Variants in LAMA2 observed in about 807,000 individuals in gnomAD.
LAMA2 encodes laminin subunit alpha 2.
LAMA2 carries 269 observed loss-of-function variants against 364.8 expected under a neutral mutation model. That is an observed-to-expected ratio of 0.74 (90% CI 0.67 to 0.82). The LOEUF is 0.82. Ranked by LOEUF, LAMA2 falls within the 40% of genes least tolerant of loss-of-function variation. The pLI is 0.00. For synonymous variants in LAMA2, 1,379 were observed against 1,370.6 expected (o/e 1.01, Z -0.14); for missense variants, 3,807 against 3,873.2 (o/e 0.98, Z 0.45).
chr6:129,255,449 A>G (rs937223945), intron 14 of LAMA2, among the ~76,000 whole-genome samples: 3 of 134,874 alleles, frequency 2.2e-5, no homozygotes, highest in East Asian at 2.5e-4. Context: ...TGGAATACTG[A>G]TTTAGCACAC....
intron 1 of LAMA2, among the ~76,000 whole-genome samples, chr6:129,012,833 A>G (rs1487501452): frequency 1.3e-5 from 2 of 152,220 alleles, no homozygotes; most frequent in African/African-American, 4.8e-5. Flanking sequence ...TGGAGGCTGT[A>G]TTTGCAATAA....
Position 129,014,643 on chromosome 6 carries a change from T to A in LAMA2, c.113-35275T>A, listed in dbSNP as rs572544350. On this transcript the variant is annotated intron_variant, in intron 1 of 64. Transcript: ENST00000421865. ...TGCTACACTGTGGTTTAGTTTATTATTAAAGAGCATAATTAAAAGAAAAAA... is the reference window on the plus strand; with the variant it reads ...TGCTACACTGTGGTTTAGTTTATTAATAAAGAGCATAATTAAAAGAAAAAA... 3.7e-3 allele frequency among the ~76,000 whole-genome samples: 556 copies of A among 152,274 alleles called. 3 individuals carry two copies. The highest frequency in any genetic ancestry group is 0.013 in the African/African-American group (520 of 41,564).
intron 19 of LAMA2, among the ~76,000 whole-genome samples, chr6:129,291,225 C>T (rs760029664): frequency 4.6e-5 from 7 of 152,170 alleles, no homozygotes; most frequent in Non-Finnish European, 7.3e-5. Context: ...AACAGCGTTA[C>T]ACCTTGAGTC....
At chr6:129,510,469 T>C (rs1223826983) in intron 62 of LAMA2, among the ~76,000 whole-genome samples, 1 of 152,138 alleles carries the variant, frequency 6.6e-6, no homozygotes, top group East Asian at 1.9e-4. Context: ...TACTTTAAGA[T>C]AGAATATTCA....
chr6:129,251,056 CTCTCTCTCTCTCTCTCTCTCTATA>C (rs1174125474), intron 13 of LAMA2, among the ~76,000 whole-genome samples: 30 of 74,852 alleles, frequency 4.0e-4, no homozygotes, highest in Middle Eastern at 5.6e-3. Context: ...CTCTCTCTCT[CTCTCTCTCTCTCTCTCTCTCTATA>C]TATATATATA....
chr6:129,327,951 A>G (rs1434860762), intron 28 of LAMA2, among the ~76,000 whole-genome samples: 1 of 152,332 alleles, frequency 6.6e-6, no homozygotes. Flanking sequence ...CATTGGAATT[A>G]TCTTTATTCC....
At chr6:129,085,859 C>T (rs1249213543) in intron 3 of LAMA2, among the ~76,000 whole-genome samples, 1 of 152,142 alleles carries the variant, frequency 6.6e-6, no homozygotes, top group Non-Finnish European at 1.5e-5. Flanking sequence ...TTTATCATGT[C>T]CTCTTAAAAA....
intron 4 of LAMA2, among the ~76,000 whole-genome samples, chr6:129,132,445 C>T (rs1583102390): frequency 6.6e-6 from 1 of 152,236 alleles, no homozygotes. Flanking sequence ...GGATTACAGG[C>T]GTGAGCCACC....
rs1410888772 is a variant in LAMA2, at chr6:129,416,113, T to C, written c.5866-11639T>C. 3.1e-4 allele frequency among the ~76,000 whole-genome samples: 30 copies of C among 97,446 alleles called. 5 individuals are homozygous for C. The highest frequency in any genetic ancestry group is 1.4e-3 in the African/African-American group (30 of 20,768). 63.9% of individuals were successfully genotyped at this position (97,446 alleles called of 152,430 possible). ...ACAGGCGCCCGCCACTACGCCCGGC[T>C]AATTTTTTTGTATTTTTAGTAGAGA... On this transcript the variant is annotated intron_variant, in intron 40 of 64. Coordinates refer to ENST00000421865, the MANE Select transcript of LAMA2 (RefSeq NM_000426.4).
At chr6:129,507,992 C>CTTTTT (rs35710837) in intron 62 of LAMA2, among the ~76,000 whole-genome samples, 1 of 151,230 alleles carries the variant, frequency 6.6e-6, no homozygotes, top group African/African-American at 2.4e-5. Flanking sequence ...TGATTTTTTT[C>CTTTTT]TTCAATTCCC....
intron 12 of LAMA2, among the ~76,000 whole-genome samples, chr6:129,246,104 A>G (rs1583330244): frequency 1.3e-5 from 2 of 152,278 alleles, no homozygotes; most frequent in East Asian, 1.9e-4. Context: ...AATTTTTTTC[A>G]TAAATAACCA....
chr6:129,187,797 C>G (rs552540391), intron 10 of LAMA2, among the ~76,000 whole-genome samples: 3 of 151,766 alleles, frequency 2.0e-5, no homozygotes, highest in Non-Finnish European at 4.4e-5. Flanking sequence ...TCCATTTGAG[C>G]ATCATATAGG....
intron 1 of LAMA2, among the ~76,000 whole-genome samples, chr6:129,040,570 A>C (rs1435817052): frequency 2.0e-5 from 3 of 152,192 alleles, no homozygotes; most frequent in Non-Finnish European, 4.4e-5. Context: ...CAGAGGCTTC[A>C]GTGTGCCATG....
At chr6:129,439,699 G>A (rs1782004410) in intron 42 of LAMA2, among the ~76,000 whole-genome samples, 1 of 151,562 alleles carries the variant, frequency 6.6e-6, no homozygotes, top group Non-Finnish European at 1.5e-5. Flanking sequence ...TATTGTTAAA[G>A]CATGATATAA....
chr6:129,444,044 T>G (rs555710753), intron 44 of LAMA2, among the ~76,000 whole-genome samples: 5 of 152,110 alleles, frequency 3.3e-5, no homozygotes, highest in Non-Finnish European at 7.4e-5. Context: ...GATTAAAAAT[T>G]AAGTGATTGT....
At chr6:129,329,644 G>A (rs1220219370) in intron 29 of LAMA2, among the ~76,000 whole-genome samples, 2 of 152,142 alleles carry the variant, frequency 1.3e-5, no homozygotes, top group African/African-American at 4.8e-5. Context: ...TTACAGGCAT[G>A]AGCCACCATG....
chr6:129,056,538 C>A (rs888457972), intron 2 of LAMA2, among the ~76,000 whole-genome samples: 3 of 152,014 alleles, frequency 2.0e-5, no homozygotes, highest in African/African-American at 7.3e-5. Flanking sequence ...ATATTTTTGC[C>A]CTGTCTTGTA....
At chr6:129,286,760 TTATATAATATATAATAA>T (rs1789229193) in intron 18 of LAMA2, among the ~76,000 whole-genome samples, 2 of 3,346 alleles carry the variant, frequency 6.0e-4, no homozygotes, top group African/African-American at 1.5e-3. Flanking sequence ...ATATAATATA[TTATATAATATATAATAA>T]TATATAATAT....
At chr6:128,979,138 C>T (rs1782709929) in intron 1 of LAMA2, among the ~76,000 whole-genome samples, 8 of 152,156 alleles carry the variant, frequency 5.3e-5, no homozygotes. Context: ...GTGATATGGT[C>T]TCTGTTGCAA....
Sources: gnomAD v4.1 joint callset for allele counts (sites outside exome capture counted in the v4.1 genomes callset) on GRCh38, gnomAD v4.1.1 for gene constraint, MANE v1.5 for transcripts, NCBI Gene and HGNC (gene_info 2026-07-23, HGNC 2026-07-21) for gene names.